DPH6: variants seen among roughly 807,000 people sequenced by gnomAD.
The protein encoded by DPH6 is diphthine--ammonia ligase.
A neutral mutation model predicts 38.2 loss-of-function variants in DPH6; 33 were observed. The ratio of observed to expected loss-of-function variants is 0.86; its 90% CI spans 0.65 to 1.15. The LOEUF is 1.15. Ranked by LOEUF, DPH6 falls within the 50% of genes most tolerant of loss-of-function variation. DPH6 has a pLI of 0.00. For synonymous variants in DPH6, 108 were observed against 103.0 expected, an observed-to-expected ratio of 1.05 and a Z score of -0.30; for missense variants, 325 against 320.0, an observed-to-expected ratio of 1.02 and a Z score of -0.12.
chr15:35,204,570 C>T, the DPH6 span, among the ~76,000 whole-genome samples: 2 of 151,622 alleles, frequency 1.3e-5, no homozygotes, highest in South Asian at 2.1e-4. Context: ...TTTTTAGGAA[C>T]GTATGATCTT....
At chr15:35,171,808 GTATACACA>G in the DPH6 span, among the ~76,000 whole-genome samples, 1 of 151,800 alleles carries the variant, frequency 6.6e-6, no homozygotes, top group Middle Eastern at 3.4e-3. Flanking sequence ...TTTATGCTTT[GTATACACA>G]TTACACACAT....
chr15:35,260,254 C>T (rs1461877503), intron 3 of DPH6, among the ~76,000 whole-genome samples: 3 of 151,996 alleles, frequency 2.0e-5, no homozygotes, highest in African/African-American at 7.2e-5. Context: ...ATTACAGGCA[C>T]CTGCCATCAC....
At chr15:35,153,344 T>A in the DPH6 span, among the ~76,000 whole-genome samples, 1 of 152,190 alleles carries the variant, frequency 6.6e-6, no homozygotes, top group Non-Finnish European at 1.5e-5. Context: ...ATATTTTATT[T>A]TTCCCCTCCT....
chr15:35,165,265 T>A, the DPH6 span, among the ~76,000 whole-genome samples: 1 of 151,914 alleles, frequency 6.6e-6, no homozygotes, highest in East Asian at 1.9e-4. Flanking sequence ...TGTGCCCCAA[T>A]AAATATTTGT....
At chr15:35,190,007 T>C in the DPH6 span, among the ~76,000 whole-genome samples, 3,182 of 152,302 alleles carry the variant, frequency 0.021, 98 homozygotes, top group African/African-American at 0.073. Flanking sequence ...TTTTCTGTAA[T>C]AGATAATAAA....
At chr15:35,201,242 T>G in the DPH6 span, among the ~76,000 whole-genome samples, 1 of 151,774 alleles carries the variant, frequency 6.6e-6, no homozygotes, top group African/African-American at 2.4e-5. Flanking sequence ...CTTCACCAGA[T>G]AATCTACCCT....
intron 5 of DPH6, among the ~76,000 whole-genome samples, chr15:35,450,055 A>C (rs1055038487): frequency 3.9e-5 from 6 of 152,156 alleles, no homozygotes; most frequent in Non-Finnish European, 7.4e-5. Context: ...AAATGAATAT[A>C]ATTATAGAAA....
At chr15:35,446,881 TTTC>T (rs2053860911) in intron 5 of DPH6, among the ~76,000 whole-genome samples, 1 of 151,878 alleles carries the variant, frequency 6.6e-6, no homozygotes, top group African/African-American at 2.4e-5. Context: ...TTTTTTTTTT[TTTC>T]CTGAGACGGA....
intron 3 of DPH6, among the ~76,000 whole-genome samples, chr15:35,488,964 T>C (rs1467292024): frequency 4.0e-5 from 6 of 149,938 alleles, no homozygotes; most frequent in Non-Finnish European, 7.4e-5. Flanking sequence ...ATGAATGTAG[T>C]AAATACATTT....
At chr15:35,378,839 G>C (rs2052819593) in intron 7 of DPH6, among the ~76,000 whole-genome samples, 1 of 151,996 alleles carries the variant, frequency 6.6e-6, no homozygotes, top group Non-Finnish European at 1.5e-5. Context: ...TGGGGGGCTG[G>C]GGGAAGCATA....
chr15:35,321,839 C>A (rs2052242663), intron 3 of DPH6, among the ~76,000 whole-genome samples: 1 of 152,190 alleles, frequency 6.6e-6, no homozygotes, highest in African/African-American at 2.4e-5. Flanking sequence ...AATTAATTCA[C>A]TGAGATTCTG....
intron 3 of DPH6, chr15:35,237,318 C>T (rs1195951988): frequency 3.8e-6 from 6 of 1,585,892 alleles, no homozygotes; most frequent in Non-Finnish European, 5.2e-6. Flanking sequence ...CTGCAGAGAA[C>T]GCGAGAGATG....
At chr15:35,379,894 A>G (rs1158661357) in intron 7 of DPH6, among the ~76,000 whole-genome samples, 5 of 152,234 alleles carry the variant, frequency 3.3e-5, no homozygotes, top group Non-Finnish European at 7.3e-5. Context: ...CAGCCAAAGC[A>G]TATAAAAATG....
intron 5 of DPH6, among the ~76,000 whole-genome samples, chr15:35,446,752 G>C (rs984103330): frequency 6.6e-6 from 1 of 152,110 alleles, no homozygotes; most frequent in Non-Finnish European, 1.5e-5. Flanking sequence ...TGTAGTTCAA[G>C]GGACAACTGG....
At chr15:35,346,253 CTAAAATGCTTGG>C (rs1186187932) in intron 3 of DPH6, among the ~76,000 whole-genome samples, 1 of 152,008 alleles carries the variant, frequency 6.6e-6, no homozygotes, top group Non-Finnish European at 1.5e-5. Flanking sequence ...CAATTTGCCC[CTAAAATGCTTGG>C]TAAAATGTGT....
At chr15:35,326,252 A>AT (rs559220324), downstream of DPH6, among the ~76,000 whole-genome samples, 61 of 152,196 alleles carry the variant, frequency 4.0e-4, 1 homozygote, top group East Asian at 0.011. Context: ...ACATATTATC[A>AT]TTTTTCTTGA....
At chr15:35,417,613 C>T (rs1255384743) in intron 5 of DPH6, among the ~76,000 whole-genome samples, 1 of 152,030 alleles carries the variant, frequency 6.6e-6, no homozygotes, top group Admixed American at 6.6e-5. Flanking sequence ...ACTTACGTTT[C>T]TAAGCACAAC....
At chr15:35,411,643 C>CA (rs2053368525) in intron 5 of DPH6, among the ~76,000 whole-genome samples, 1 of 151,246 alleles carries the variant, frequency 6.6e-6, no homozygotes, top group African/African-American at 2.4e-5. Context: ...AAAAAAAATC[C>CA]CATGTCACAA....
chr15:35,364,794 C>CGTAT (rs2052643132), intron 3 of DPH6, among the ~76,000 whole-genome samples: 1 of 151,702 alleles, frequency 6.6e-6, no homozygotes, highest in South Asian at 2.1e-4. Context: ...CTTCTTGAAT[C>CGTAT]TATACTTTGG....
Sources: allele counts gnomAD v4.1 joint callset (sites outside exome capture counted in the v4.1 genomes callset), GRCh38; gene constraint gnomAD v4.1.1; transcripts MANE v1.5; gene names NCBI Gene and HGNC (gene_info 2026-07-23, HGNC 2026-07-21).